The following CYFIP2 variants were observed in gnomAD, a reference collection of about 807,000 sequenced individuals.
CYFIP2 encodes cytoplasmic FMR1 interacting protein 2, also known as cytoplasmic FMR1-interacting protein 2.
CYFIP2 carries 29 observed loss-of-function variants against 158.7 expected under a neutral mutation model. The observed-to-expected ratio is 0.18, with a 90% CI of 0.14 to 0.25. The LOEUF (loss-of-function observed/expected upper bound fraction) is 0.25. Ranked by LOEUF, CYFIP2 falls within the 10% of genes least tolerant of loss-of-function variation. The probability of loss-of-function intolerance (pLI) is 1.00; values close to 1 mark genes in which losing one functional copy is unlikely to be tolerated. For missense variants in CYFIP2, 852 were observed against 1,639.5 expected (o/e 0.52, Z 8.29); for synonymous variants, 585 against 617.6 (o/e 0.95, Z 0.78).
intron 20 of CYFIP2, among the ~76,000 whole-genome samples, chr5:157,331,866 C>A (rs1248690671): frequency 6.6e-6 from 1 of 152,156 alleles, no homozygotes; most frequent in Non-Finnish European, 1.5e-5. Context: ...CATTTGACAC[C>A]TAGCAAAGTG....
At chr5:157,288,520 A>G (rs1757572647) in intron 3 of CYFIP2, 3 of 446,100 alleles carry the variant, frequency 6.7e-6, no homozygotes, top group South Asian at 3.2e-5. Context: ...CTGGAGAGGT[A>G]TGCAAGGGCA....
chr5:157,299,559 C>A (rs1161833894), intron 5 of CYFIP2, among the ~76,000 whole-genome samples: 5 of 152,104 alleles, frequency 3.3e-5, no homozygotes, highest in Admixed American at 2.6e-4. Context: ...TAGCACATAC[C>A]ACATTCTAAT....
At chr5:157,275,463 C>G (rs1231723642) in intron 1 of CYFIP2, among the ~76,000 whole-genome samples, 2 of 152,208 alleles carry the variant, frequency 1.3e-5, no homozygotes, top group African/African-American at 2.4e-5. Flanking sequence ...GGATTTATTT[C>G]TGGATTCTCA....
At chr5:157,284,596 G>A (rs995928231) in intron 1 of CYFIP2, among the ~76,000 whole-genome samples, 7 of 152,168 alleles carry the variant, frequency 4.6e-5, no homozygotes, top group Non-Finnish European at 7.3e-5. Context: ...CTTAAAATAG[G>A]AATTAGCTCT....
intron 23 of CYFIP2, among the ~76,000 whole-genome samples, chr5:157,354,119 A>G (rs1227569037): frequency 6.6e-6 from 1 of 152,176 alleles, no homozygotes; most frequent in African/African-American, 2.4e-5. Flanking sequence ...CTCCTTAAAA[A>G]TGCTTTTTTG....
At chr5:157,303,571 T>C (rs1181047047) in intron 7 of CYFIP2, among the ~76,000 whole-genome samples, 2 of 152,168 alleles carry the variant, frequency 1.3e-5, no homozygotes, top group Non-Finnish European at 2.9e-5. Context: ...TTCAAATCCA[T>C]ATCACGGAGG....
rs566311656 is a variant in CYFIP2, at chr5:157,326,208, G to T, written c.2020G>T (p.Ala674Ser). 6.2e-7 allele frequency: 1 copy of T among 1,613,970 alleles called. No homozygotes were observed. The highest frequency in any genetic ancestry group is 8.5e-7 in the Non-Finnish European group (1 of 1,179,842). Residue 674 changes from alanine to serine, a missense_variant, in exon 18 of 31, where the codon GCC becomes TCC. Physicochemically the swap from Ala to Ser is moderately conservative, Grantham distance 99. Around this residue, in one of 8 missense-constraint regions of CYFIP2, gnomAD observed 167 missense variants for 343.3 expected, o/e 0.49. Coordinates refer to ENST00000620254, the MANE Select transcript of CYFIP2 (RefSeq NM_001037333.3). ...LYPLDLYNDSAYYALTKFKKQ... is the reference protein window; with the variant it reads ...LYPLDLYNDSSYYALTKFKKQ... ...CCCTCTGGATCTGTACAACGACAGC[G>T]CCTACTATGCTCTGACCAAGTTTAA...
chr5:157,387,617 TAGAAC>T (rs915024268), intron 28 of CYFIP2, among the ~76,000 whole-genome samples: 6 of 151,934 alleles, frequency 3.9e-5, no homozygotes, highest in Admixed American at 6.6e-5. Context: ...TGGGGCCAAA[TAGAAC>T]AGAGTAAGAA....
At chr5:157,336,061 C>CGATGGGTCTG (rs2113209888) in intron 21 of CYFIP2, among the ~76,000 whole-genome samples, 1 of 152,228 alleles carries the variant, frequency 6.6e-6, no homozygotes, top group East Asian at 1.9e-4. Context: ...AAGCGCTCTC[C>CGATGGGTCTG]GATGGGTCTG....
chr5:157,383,072 T>C (rs1383020969), intron 27 of CYFIP2, among the ~76,000 whole-genome samples, 193 bp from the exon 28 acceptor site: 2 of 152,210 alleles, frequency 1.3e-5, no homozygotes, highest in African/African-American at 4.8e-5. Flanking sequence ...GACGATTCCA[T>C]TCTTGGACAA....
chr5:157,389,794 C>T (rs1002317717), intron 29 of CYFIP2, among the ~76,000 whole-genome samples: 4 of 152,112 alleles, frequency 2.6e-5, no homozygotes, highest in Admixed American at 1.3e-4. Flanking sequence ...AGGAAAAAGG[C>T]GTGGTGGGGA....
chr5:157,374,969 T>C (rs1765325931), intron 26 of CYFIP2, among the ~76,000 whole-genome samples: 1 of 152,092 alleles, frequency 6.6e-6, no homozygotes, highest in Non-Finnish European at 1.5e-5. Context: ...GGGGGCAGAG[T>C]CTGCTGCCTA....
At chr5:157,384,686 T>A in intron 28 of CYFIP2, 1 of 357,666 alleles carries the variant, frequency 2.8e-6, no homozygotes, top group Non-Finnish European at 5.6e-6. Flanking sequence ...ACACCTGTAA[T>A]CCCAGCACTT....
intron 26 of CYFIP2, chr5:157,363,433 C>G (rs1178269603): frequency 1.3e-5 from 2 of 151,856 alleles, no homozygotes; most frequent in African/African-American, 4.9e-5. Flanking sequence ...CGAGCAAAGT[C>G]GTAACAATCA....
intron 26 of CYFIP2, among the ~76,000 whole-genome samples, chr5:157,377,815 G>A (rs559449189): frequency 3.3e-5 from 5 of 152,164 alleles, no homozygotes; most frequent in Non-Finnish European, 7.4e-5. Context: ...TATAGAGAAC[G>A]TGCAGGTCCT....
chr5:157,336,380 A>C (rs1761859867), intron 21 of CYFIP2, among the ~76,000 whole-genome samples: 1 of 152,236 alleles, frequency 6.6e-6, no homozygotes, highest in South Asian at 2.1e-4. Flanking sequence ...TTTGGAAGAA[A>C]TCAAATAAAA....
At chr5:157,344,311 G>C (rs1762519678) in intron 23 of CYFIP2, among the ~76,000 whole-genome samples, 1 of 152,152 alleles carries the variant, frequency 6.6e-6, no homozygotes, top group Admixed American at 6.5e-5. Flanking sequence ...CATGCTAGAT[G>C]ATTCACAGGC....
intron 26 of CYFIP2, among the ~76,000 whole-genome samples, chr5:157,368,137 T>C (rs978903191): frequency 6.6e-6 from 1 of 152,224 alleles, no homozygotes. Flanking sequence ...AATTAGTAGT[T>C]ATAAAAGCAG....
intron 23 of CYFIP2, among the ~76,000 whole-genome samples, chr5:157,356,722 C>T (rs770177423): frequency 3.7e-4 from 56 of 152,300 alleles, no homozygotes; most frequent in Non-Finnish European, 7.2e-4. Context: ...AAGCTGCACT[C>T]GCTTAGAAGA....
Sources: gnomAD v4.1 joint callset for allele counts (sites outside exome capture counted in the v4.1 genomes callset) on GRCh38, gnomAD v4.1.1 for gene constraint, gnomAD v4.1.1 regional missense constraint, MANE v1.5 for transcripts, NCBI Gene and HGNC (gene_info 2026-07-23, HGNC 2026-07-21) for gene names.